CFAP299: variants seen among roughly 807,000 people sequenced by gnomAD.
CFAP299 encodes cilia and flagella associated protein 299.
A neutral mutation model predicts 27.0 loss-of-function variants in CFAP299; 21 were observed. The observed-to-expected ratio is 0.78, with a 90% confidence interval of 0.55 to 1.12. The LOEUF is 1.12. Ranked by LOEUF, CFAP299 falls within the 50% of genes most tolerant of loss-of-function variation. CFAP299 has a pLI of 0.00. For missense variants in CFAP299, 310 were observed against 276.6 expected (o/e 1.12, Z -0.86); for synonymous variants, 104 against 98.1 (o/e 1.06, Z -0.36).
At chr4:80,522,123 AAC>A (rs1732948593) in intron 2 of CFAP299, among the ~76,000 whole-genome samples, 1 of 151,978 alleles carries the variant, frequency 6.6e-6, no homozygotes, top group Non-Finnish European at 1.5e-5. Context: ...CGTCTTCACT[AAC>A]ACTTATTACT....
In CFAP299 at chr4:80,800,522, AT is replaced by A. The variant is rs1490270530; in HGVS notation, c.334-69470del. Reference sequence around the variant, plus strand: ...TAATATATTATATAATATATAATATATAATATATTATATAATATATAATATA... The same window carrying A: ...TAATATATTATATAATATATAATATAAATATATTATATAATATATAATATA... On this transcript the variant is annotated intron_variant, in intron 3 of 5. Coordinates refer to ENST00000358105, the MANE Select transcript of CFAP299 (RefSeq NM_152770.3). Among the ~76,000 whole-genome samples, 29 of 4,868 alleles carry A rather than the reference AT, an allele frequency of 6.0e-3. 2 individuals carry two copies. Among genetic ancestry groups the A allele is most frequent in the Admixed American group, 0.016 (4 of 256 alleles). The allele number at this position is 4,868 out of a possible 152,430, so 3.2% of individuals were successfully genotyped here.
chr4:80,400,306 T>C (rs1253265516), intron 2 of CFAP299, among the ~76,000 whole-genome samples: 1 of 152,114 alleles, frequency 6.6e-6, no homozygotes, highest in African/African-American at 2.4e-5. Flanking sequence ...ACTATCTTGA[T>C]AGACATGAAA....
chr4:80,380,954 A>T (rs544054737), intron 2 of CFAP299, among the ~76,000 whole-genome samples: 14 of 152,096 alleles, frequency 9.2e-5, no homozygotes, highest in Non-Finnish European at 1.9e-4. Context: ...AATATCTAGT[A>T]TAATTGTTTT....
intron 2 of CFAP299, among the ~76,000 whole-genome samples, chr4:80,494,598 C>A (rs946920666): frequency 6.6e-6 from 1 of 152,158 alleles, no homozygotes; most frequent in Non-Finnish European, 1.5e-5. Flanking sequence ...CCTTTCAGTT[C>A]TTCATACCCA....
At chr4:80,665,940 G>T (rs1560686375) in intron 3 of CFAP299, among the ~76,000 whole-genome samples, 2 of 152,006 alleles carry the variant, frequency 1.3e-5, no homozygotes, top group African/African-American at 4.8e-5. Context: ...TTTGCTTCCT[G>T]ACATGATTGG....
At chr4:80,457,717 T>C (rs73829291) in intron 2 of CFAP299, among the ~76,000 whole-genome samples, 15,044 of 152,094 alleles carry the variant, frequency 0.099, 1,717 homozygotes, top group African/African-American at 0.28. Context: ...TACTGTAGCA[T>C]TCATTTTTCA....
At chr4:80,783,038 TTTA>T (rs1727022347) in intron 3 of CFAP299, among the ~76,000 whole-genome samples, 1 of 152,066 alleles carries the variant, frequency 6.6e-6, no homozygotes, top group Non-Finnish European at 1.5e-5. Context: ...AAAACTTGTA[TTTA>T]TTATTTCATA....
intron 3 of CFAP299, among the ~76,000 whole-genome samples, chr4:80,652,302 A>G (rs938488315): frequency 2.0e-5 from 3 of 152,172 alleles, no homozygotes; most frequent in African/African-American, 7.2e-5. Context: ...AAAAATTTTT[A>G]TGAACAATAT....
At chr4:80,599,131 A>G (rs5019005) in intron 3 of CFAP299, among the ~76,000 whole-genome samples, 95,854 of 151,630 alleles carry the variant, frequency 0.63, 33,659 homozygotes, top group Non-Finnish European at 0.78. Context: ...CAGCATTTAC[A>G]AAGTGTCTGT....
At chr4:80,515,410 T>G (rs1732533960) in intron 2 of CFAP299, among the ~76,000 whole-genome samples, 1 of 152,202 alleles carries the variant, frequency 6.6e-6, no homozygotes, top group African/African-American at 2.4e-5. Flanking sequence ...TGCTATGCTC[T>G]CCATTTCATT....
intron 3 of CFAP299, among the ~76,000 whole-genome samples, chr4:80,826,976 A>C (rs1304915185): frequency 6.6e-6 from 1 of 151,836 alleles, no homozygotes; most frequent in Non-Finnish European, 1.5e-5. Flanking sequence ...TCAAAAAATA[A>C]ATAACAAGGG....
intron 2 of CFAP299, among the ~76,000 whole-genome samples, chr4:80,404,433 C>G (rs1266102184): frequency 1.3e-5 from 2 of 152,158 alleles, no homozygotes; most frequent in East Asian, 3.8e-4. Context: ...GTTGTTCATA[C>G]AAGTCTTCAT....
chr4:80,378,320 A>G (rs1724525219), intron 2 of CFAP299, among the ~76,000 whole-genome samples: 2 of 152,028 alleles, frequency 1.3e-5, no homozygotes, highest in African/African-American at 4.8e-5. Context: ...TCTACTGGCT[A>G]TTTTTTGTGT....
intron 4 of CFAP299, among the ~76,000 whole-genome samples, chr4:80,908,919 CAT>C (rs1491102900): frequency 4.6e-5 from 7 of 152,088 alleles, no homozygotes; most frequent in South Asian, 4.1e-4. Flanking sequence ...CACACACACA[CAT>C]ACACACACAT....
chr4:80,424,836 C>T (rs1337830243), intron 2 of CFAP299, among the ~76,000 whole-genome samples: 1 of 152,136 alleles, frequency 6.6e-6, no homozygotes, highest in East Asian at 1.9e-4. Context: ...TCGTCAATCA[C>T]TAAACATTGC....
At chr4:80,884,654 CAA>C (rs34255857) in intron 4 of CFAP299, among the ~76,000 whole-genome samples, 10,133 of 138,030 alleles carry the variant, frequency 0.073, 497 homozygotes, top group East Asian at 0.17. Flanking sequence ...TAGCGAATAC[CAA>C]AAAAAAAAAA....
chr4:80,535,997 A>G (rs1338736217), intron 2 of CFAP299, among the ~76,000 whole-genome samples: 1 of 152,196 alleles, frequency 6.6e-6, no homozygotes, highest in Non-Finnish European at 1.5e-5. Context: ...TGAAGATGTT[A>G]AAGAACTGAT....
chr4:80,374,266 A>C (rs1158694279), intron 2 of CFAP299, among the ~76,000 whole-genome samples: 1 of 152,156 alleles, frequency 6.6e-6, no homozygotes, highest in African/African-American at 2.4e-5. Flanking sequence ...TCTTGTTGGT[A>C]CAAGTCCTAG....
At chr4:80,387,872 G>A in intron 2 of CFAP299, 1 of 1,169,586 alleles carries the variant, frequency 8.6e-7, no homozygotes, top group Non-Finnish European at 1.3e-6. Context: ...TTCAGCATTG[G>A]TGGAGAGTCA....
Sources: gnomAD v4.1 joint callset for allele counts (sites outside exome capture counted in the v4.1 genomes callset) on GRCh38, gnomAD v4.1.1 for gene constraint, MANE v1.5 for transcripts, NCBI Gene and HGNC (gene_info 2026-07-23, HGNC 2026-07-21) for gene names.